Variants in CYYR1 observed in about 807,000 individuals in gnomAD.
The protein encoded by CYYR1 is cysteine and tyrosine rich 1.
A neutral mutation model predicts 15.2 loss-of-function variants in CYYR1; 14 were observed. The observed-to-expected ratio is 0.92, with a 90% CI of 0.61 to 1.44. CYYR1 has a LOEUF of 1.44. Among genes scored for constraint, CYYR1 ranks in the 40% most tolerant of loss-of-function variants. The pLI is 0.00. For synonymous variants in CYYR1, 80 were observed against 77.4 expected (o/e 1.03, Z -0.18); for missense variants, 228 against 209.5 (o/e 1.09, Z -0.54).
At chr21:26,555,921 T>A (rs1037475633) in intron 2 of CYYR1, among the ~76,000 whole-genome samples, 1 of 152,124 alleles carries the variant, frequency 6.6e-6, no homozygotes, top group Non-Finnish European at 1.5e-5. Flanking sequence ...ATCATGAAGG[T>A]GAGTTGCACA....
intron 2 of CYYR1, among the ~76,000 whole-genome samples, chr21:26,538,466 A>G (rs1601807232): frequency 6.6e-6 from 1 of 152,072 alleles, no homozygotes; most frequent in Non-Finnish European, 1.5e-5. Flanking sequence ...TGAATGCAAT[A>G]TAGTCTTTTA....
intron 2 of CYYR1, chr21:26,550,872 TTAAA>T (rs1205094246): frequency 6.6e-6 from 1 of 152,258 alleles, no homozygotes; most frequent in African/African-American, 2.4e-5. Flanking sequence ...CGTGGCTACA[TTAAA>T]CAACATATTT....
At chr21:26,486,204 TA>T (rs1199083956) in intron 2 of CYYR1, among the ~76,000 whole-genome samples, 1 of 152,120 alleles carries the variant, frequency 6.6e-6, no homozygotes, top group Non-Finnish European at 1.5e-5. Flanking sequence ...CGAATATTTT[TA>T]CTGGTCTGTA....
intron 2 of CYYR1, among the ~76,000 whole-genome samples, chr21:26,545,567 CTTTTTTTT>C (rs770885517): frequency 2.4e-4 from 18 of 73,748 alleles, no homozygotes; most frequent in East Asian, 2.4e-3. Flanking sequence ...GATGCTTATT[CTTTTTTTT>C]TTTTTTTTTT....
intron 2 of CYYR1, chr21:26,564,838 G>C: frequency 8.3e-7 from 1 of 1,206,024 alleles, no homozygotes; most frequent in Non-Finnish European, 1.1e-6. Flanking sequence ...GGTATGTGGA[G>C]ACAGTTTGAG....
intron 2 of CYYR1, among the ~76,000 whole-genome samples, chr21:26,520,058 G>A (rs2065781841): frequency 6.9e-6 from 1 of 145,792 alleles, no homozygotes; most frequent in Admixed American, 6.9e-5. Flanking sequence ...CCATAAAAAG[G>A]AATGAAATCA....
intron 2 of CYYR1, among the ~76,000 whole-genome samples, chr21:26,495,427 A>C (rs752419884): frequency 5.3e-5 from 8 of 152,150 alleles, no homozygotes; most frequent in Non-Finnish European, 8.8e-5. Context: ...TTCCCAACAG[A>C]CTTAAAGAAA....
rs1001438869 is a variant in CYYR1 at position 26,478,231 on chromosome 21, A to G, written c.334+2041T>C. ...TAAAAGCACTCTGGATAAAAAGCAG[A>G]GCAGCACAAAGAGAATTGGGATGCT... On this transcript the variant is annotated intron_variant, in intron 3 of 3. Coordinates refer to ENST00000652641, the MANE Select transcript of CYYR1 (RefSeq NM_001320768.2). 1.0e-5 allele frequency: 15 copies of G among 1,466,732 alleles called. No individual in the cohort carries two copies. In the African/African-American group the frequency reaches 2.1e-4, roughly 21 times the overall value. 90.9% of individuals were successfully genotyped at this position (1,466,732 alleles called of 1,614,324 possible).
In CYYR1 at chr21:26,466,529, G is replaced by C. The variant is rs1455024579; in HGVS notation, c.*1972C>G. The stretch of plus-strand genomic sequence containing the variant: ...GTGTGGACTGAACTGGCTTCTATTT[G>C]GGGAAAATTTGCAGAATATAGGAGG... On this transcript the variant is annotated 3_prime_UTR_variant, in exon 4 of 4. Transcript: ENST00000652641. 3 of 152,116 alleles carry C rather than the reference G, an allele frequency of 2.0e-5. No homozygotes were observed. In the East Asian group the frequency reaches 5.8e-4, roughly 29 times the overall value. 9.4% of individuals were successfully genotyped at this position (152,116 alleles called of 1,614,324 possible).
intron 2 of CYYR1, among the ~76,000 whole-genome samples, chr21:26,543,761 G>C (rs1310171778): frequency 6.6e-6 from 1 of 152,022 alleles, no homozygotes; most frequent in East Asian, 1.9e-4. Flanking sequence ...ACAAAAATTA[G>C]GGGGTGTGGT....
chr21:26,533,641 C>T (rs541777734), intron 2 of CYYR1, among the ~76,000 whole-genome samples: 1 of 152,276 alleles, frequency 6.6e-6, no homozygotes, highest in South Asian at 2.1e-4. Context: ...CCCTCACAGT[C>T]ACACCCAGAA....
intron 3 of CYYR1, among the ~76,000 whole-genome samples, chr21:26,474,011 T>G (rs2065068391): frequency 6.6e-6 from 1 of 151,620 alleles, no homozygotes; most frequent in Admixed American, 6.6e-5. Context: ...ATATATGCCA[T>G]GTTGGTTTTT....
Position 26,573,248 on chromosome 21 carries a change from C to A in CYYR1, c.-308G>T. On this transcript the variant is annotated 5_prime_UTR_variant, in exon 1 of 4. Coordinates refer to ENST00000652641, the MANE Select transcript of CYYR1 (RefSeq NM_001320768.2). ...CGGCCACTCCGGCGTCCTTGGCCACCCAGGCTCACATTTCATCTCCGCGGG... is the reference window on the plus strand; with the variant it reads ...CGGCCACTCCGGCGTCCTTGGCCACACAGGCTCACATTTCATCTCCGCGGG... 1 of 1,369,806 alleles carries A rather than the reference C, an allele frequency of 7.3e-7. No homozygotes were observed. The highest frequency in any genetic ancestry group is 9.5e-7 in the Non-Finnish European group (1 of 1,047,436). 84.9% of individuals were successfully genotyped at this position (1,369,806 alleles called of 1,614,324 possible). A position where few individuals can be genotyped will look rare whatever the true frequency, so the allele number is the denominator to read the frequency against.
At chr21:26,483,331 T>A (rs2065208757) in intron 2 of CYYR1, 4 of 458,972 alleles carry the variant, frequency 8.7e-6, no homozygotes, top group Non-Finnish European at 1.1e-5. Flanking sequence ...TCTGGGTTCT[T>A]TTTTATTGAT....
chr21:26,488,798 T>C (rs1286170361), intron 2 of CYYR1, among the ~76,000 whole-genome samples: 1 of 152,068 alleles, frequency 6.6e-6, no homozygotes, highest in Admixed American at 6.6e-5. Flanking sequence ...AAGAGCCATA[T>C]CCTAGGGATG....
intron 2 of CYYR1, among the ~76,000 whole-genome samples, chr21:26,558,061 A>G (rs1226916065): frequency 6.6e-6 from 1 of 152,194 alleles, no homozygotes; most frequent in Non-Finnish European, 1.5e-5. Context: ...ACTGTCAAAT[A>G]GCACCAACCT....
At chr21:26,484,883 GT>G (rs200977190) in intron 2 of CYYR1, among the ~76,000 whole-genome samples, 2 of 152,152 alleles carry the variant, frequency 1.3e-5, no homozygotes, top group South Asian at 2.1e-4. Context: ...TATTAAATTA[GT>G]TTTTTTGATT....
intron 2 of CYYR1, among the ~76,000 whole-genome samples, chr21:26,495,996 A>G (rs1319874746): frequency 6.6e-6 from 1 of 152,164 alleles, no homozygotes; most frequent in East Asian, 1.9e-4. Flanking sequence ...GGATTTGGTA[A>G]AGAATTTGAG....
intron 2 of CYYR1, among the ~76,000 whole-genome samples, chr21:26,531,229 C>T (rs1352459429): frequency 6.6e-6 from 1 of 152,160 alleles, no homozygotes; most frequent in Non-Finnish European, 1.5e-5. Flanking sequence ...GGCTCATGCT[C>T]ACCACAGGGA....
Sources: gnomAD v4.1 joint callset for allele counts (sites outside exome capture counted in the v4.1 genomes callset) on GRCh38, gnomAD v4.1.1 for gene constraint, MANE v1.5 for transcripts, NCBI Gene and HGNC (gene_info 2026-07-23, HGNC 2026-07-21) for gene names.